Variants in HEMK2 observed in about 807,000 individuals in gnomAD.
HEMK2 encodes the protein HemK methyltransferase 2, ETF1 glutamine and histone H4 lysine, also known as methyltransferase HEMK2.
the HEMK2 span, among the ~76,000 whole-genome samples, chr21:28,668,173 G>T: frequency 2.6e-5 from 4 of 152,238 alleles, no homozygotes; most frequent in Admixed American, 6.5e-5. Context: ...GGCACTAAAG[G>T]CATCTTGAAA....
the HEMK2 span, among the ~76,000 whole-genome samples, chr21:28,814,353 A>G: frequency 6.6e-6 from 1 of 151,906 alleles, no homozygotes; most frequent in Non-Finnish European, 1.5e-5. Flanking sequence ...CACCAAAAGC[A>G]ATGGCAACAA....
chr21:28,659,338 T>A, the HEMK2 span, among the ~76,000 whole-genome samples: 1 of 152,140 alleles, frequency 6.6e-6, no homozygotes, highest in Non-Finnish European at 1.5e-5. Context: ...TAGAGCATTT[T>A]GTTCCAAATG....
chr21:28,867,605 C>T, the HEMK2 span, among the ~76,000 whole-genome samples: 127,577 of 152,166 alleles, frequency 0.84, 53,934 homozygotes, highest in South Asian at 0.93. Context: ...AGACAAGGAA[C>T]TTTATTACTC....
chr21:28,667,121 T>C, the HEMK2 span, among the ~76,000 whole-genome samples: 3 of 152,160 alleles, frequency 2.0e-5, no homozygotes, highest in Non-Finnish European at 4.4e-5. Flanking sequence ...AGATAATATA[T>C]ATAAAATGTC....
chr21:28,853,751 T>C, the HEMK2 span, among the ~76,000 whole-genome samples: 3 of 152,216 alleles, frequency 2.0e-5, no homozygotes, highest in Non-Finnish European at 4.4e-5. Flanking sequence ...GGAGGGGATG[T>C]TGCCACTATT....
chr21:28,692,658 TA>T, the HEMK2 span, among the ~76,000 whole-genome samples: 1 of 152,266 alleles, frequency 6.6e-6, no homozygotes, highest in South Asian at 2.1e-4. Flanking sequence ...TTCATTTCAA[TA>T]AAATACATTT....
At chr21:28,764,075 TTC>T in the HEMK2 span, among the ~76,000 whole-genome samples, 3 of 152,230 alleles carry the variant, frequency 2.0e-5, no homozygotes, top group African/African-American at 7.2e-5. Flanking sequence ...TTTAATAGTT[TTC>T]TCTTTTTTTC....
At chr21:28,795,956 C>T in the HEMK2 span, among the ~76,000 whole-genome samples, 2 of 151,974 alleles carry the variant, frequency 1.3e-5, no homozygotes, top group Admixed American at 1.3e-4. Flanking sequence ...TGTTCCTTAC[C>T]TTTTAAAACT....
the HEMK2 span, among the ~76,000 whole-genome samples, chr21:28,803,668 G>C: frequency 1.3e-5 from 2 of 152,138 alleles, no homozygotes; most frequent in African/African-American, 4.8e-5. Context: ...GCTATTAATA[G>C]TAGCTGCTTC....
the HEMK2 span, among the ~76,000 whole-genome samples, chr21:28,595,367 ACT>A: frequency 3.5e-5 from 5 of 141,336 alleles, no homozygotes; most frequent in Admixed American, 3.5e-4. Flanking sequence ...CTATCCTTCC[ACT>A]CTCTATCTTC....
the HEMK2 span, among the ~76,000 whole-genome samples, chr21:28,805,515 T>G: frequency 6.6e-6 from 1 of 152,216 alleles, no homozygotes; most frequent in South Asian, 2.1e-4. Context: ...CAACAAGCTA[T>G]TCCTAATCGA....
At chr21:28,791,637 G>T in the HEMK2 span, among the ~76,000 whole-genome samples, 1 of 152,062 alleles carries the variant, frequency 6.6e-6, no homozygotes, top group Non-Finnish European at 1.5e-5. Context: ...TTGTGTCAGG[G>T]AAGGTCAAAA....
the HEMK2 span, among the ~76,000 whole-genome samples, chr21:28,586,002 G>T: frequency 1.3e-5 from 2 of 152,142 alleles, no homozygotes; most frequent in African/African-American, 4.8e-5. Flanking sequence ...AAGATGGCAG[G>T]ATGCACATAT....
chr21:28,607,698 T>C, the HEMK2 span, among the ~76,000 whole-genome samples: 2 of 152,340 alleles, frequency 1.3e-5, no homozygotes, highest in East Asian at 3.9e-4. Flanking sequence ...CCACTATGCA[T>C]ATTACCTGGC....
the HEMK2 span, among the ~76,000 whole-genome samples, chr21:28,765,429 A>G: frequency 6.6e-6 from 1 of 152,142 alleles, no homozygotes. Flanking sequence ...GTTTTAAGCT[A>G]CTAAGTGTGT....
the HEMK2 span, among the ~76,000 whole-genome samples, chr21:28,708,391 T>C: frequency 6.6e-6 from 1 of 152,206 alleles, no homozygotes; most frequent in East Asian, 1.9e-4. Flanking sequence ...CATGCTTATG[T>C]AGTAAATGAT....
At chr21:28,757,346 A>G in the HEMK2 span, among the ~76,000 whole-genome samples, 1 of 152,198 alleles carries the variant, frequency 6.6e-6, no homozygotes, top group African/African-American at 2.4e-5. Flanking sequence ...GAAAAGATGA[A>G]AGGGAAACAA....
At chr21:28,879,099 T>A in the HEMK2 span, among the ~76,000 whole-genome samples, 1 of 89,800 alleles carries the variant, frequency 1.1e-5, no homozygotes, top group African/African-American at 4.2e-5. Context: ...TTTTTTTTTT[T>A]TTAGAGACAG....
At chr21:28,831,731 G>A in the HEMK2 span, among the ~76,000 whole-genome samples, 3 of 106,634 alleles carry the variant, frequency 2.8e-5, no homozygotes, top group African/African-American at 1.0e-4. Context: ...AGGAAGGAAG[G>A]AAGGAAAGAA....
Sources: allele counts gnomAD v4.1 joint callset (sites outside exome capture counted in the v4.1 genomes callset), GRCh38; gene constraint gnomAD v4.1.1; transcripts MANE v1.5; gene names NCBI Gene and HGNC (gene_info 2026-07-23, HGNC 2026-07-21).